The following KCNH1 variants were observed in gnomAD, a reference collection of about 807,000 sequenced individuals.
The protein encoded by KCNH1 is voltage-gated delayed rectifier potassium channel KCNH1.
KCNH1 carries 27 observed loss-of-function variants against 69.2 expected under a neutral mutation model. The observed-to-expected ratio is 0.39, with a 90% CI of 0.29 to 0.54. The LOEUF (loss-of-function observed/expected upper bound fraction) is 0.54. KCNH1 is among the 20% of genes least tolerant of loss of function. The probability of loss-of-function intolerance (pLI) is 0.68; values close to 1 mark genes in which losing one functional copy is unlikely to be tolerated. For missense variants in KCNH1, 798 were observed against 1,261.6 expected (o/e 0.63, Z 5.57); for synonymous variants, 456 against 487.7 (o/e 0.93, Z 0.86).
At chr1:211,103,454 C>A in intron 3 of KCNH1, 42 bp downstream of exon 3, 2 of 1,293,260 alleles carry the variant, frequency 1.5e-6, no homozygotes. Context: ...TTTACTATTT[C>A]AAACACATAA....
At chr1:210,713,529 C>T (rs1258535589) in intron 10 of KCNH1, among the ~76,000 whole-genome samples, 1 of 152,176 alleles carries the variant, frequency 6.6e-6, no homozygotes, top group Non-Finnish European at 1.5e-5. Flanking sequence ...TGATCTCTTT[C>T]CTTGCTCTCC....
At chr1:211,035,017 C>G (rs970708005) in intron 5 of KCNH1, among the ~76,000 whole-genome samples, 1 of 152,102 alleles carries the variant, frequency 6.6e-6, no homozygotes. Flanking sequence ...TAGGCCCTGC[C>G]TGAGTGAGGC....
chr1:211,060,548 GT>G (rs907095675), intron 5 of KCNH1, among the ~76,000 whole-genome samples: 23 of 151,022 alleles, frequency 1.5e-4, no homozygotes, highest in Middle Eastern at 6.8e-3. Flanking sequence ...ATAAAAGCTG[GT>G]TTTTTGAAAA....
chr1:210,750,636 T>C (rs1406467181), intron 10 of KCNH1, among the ~76,000 whole-genome samples: 1 of 152,104 alleles, frequency 6.6e-6, no homozygotes, highest in East Asian at 1.9e-4. Context: ...GGTGGTAGCT[T>C]TTTTGGCTGG....
At chr1:211,089,463 G>A (rs372134354) in intron 4 of KCNH1, among the ~76,000 whole-genome samples, 6 of 152,186 alleles carry the variant, frequency 3.9e-5, no homozygotes, top group Non-Finnish European at 8.8e-5. Context: ...AATAGGATGC[G>A]CTGGTATTAA....
chr1:211,113,974 T>TCTCTCACA (rs1491436535), intron 1 of KCNH1, among the ~76,000 whole-genome samples: 9 of 142,378 alleles, frequency 6.3e-5, no homozygotes, highest in Non-Finnish European at 1.2e-4. Flanking sequence ...TCTCTCTCTC[T>TCTCTCACA]CACACACACA....
Position 210,805,129 on chromosome 1 carries a change from C to G in KCNH1, c.1463-963G>C, listed in dbSNP as rs559247814. Among the ~76,000 whole-genome samples, 21 of 152,296 alleles carry G rather than the reference C, an allele frequency of 1.4e-4. 1 individual carries two copies. The highest frequency in any genetic ancestry group is 3.4e-3 in the Middle Eastern group (1 of 294). ...ATATTTCTATAGAACTCATATTACA[C>G]CATTTTGCAATCACGTGCTTCTTTC... On this transcript the variant is annotated intron_variant, in intron 7 of 10. Coordinates refer to ENST00000271751, the MANE Select transcript of KCNH1 (RefSeq NM_172362.3).
In KCNH1 at chr1:210,678,721, C is replaced by T. The variant is rs1681195353; in HGVS notation, c.*4560G>A. ...ACAGTCTCCAACTGATGCACAAATA[C>T]AGCATCGGAATATTAAGAGAATACA... On this transcript the variant is annotated 3_prime_UTR_variant, in exon 11 of 11. Transcript: ENST00000271751. 1 of 152,174 alleles carries T rather than the reference C, an allele frequency of 6.6e-6. No individual in the cohort carries two copies. The highest frequency in any genetic ancestry group is 1.5e-5 in the Non-Finnish European group (1 of 68,040). The allele number at this position is 152,174 out of a possible 1,614,324, so 9.4% of individuals were successfully genotyped here.
intron 5 of KCNH1, among the ~76,000 whole-genome samples, chr1:211,044,907 T>C (rs529377304): frequency 1.3e-5 from 2 of 151,852 alleles, no homozygotes; most frequent in East Asian, 1.9e-4. Flanking sequence ...ACTGGTTATC[T>C]ACCCAGAGGA....
At chr1:210,712,423 G>A (rs1558434776) in intron 10 of KCNH1, among the ~76,000 whole-genome samples, 1 of 152,178 alleles carries the variant, frequency 6.6e-6, no homozygotes. Flanking sequence ...GGGAGAGTGG[G>A]AATAGAGCCC....
chr1:210,939,476 A>G (rs573518347), intron 6 of KCNH1, among the ~76,000 whole-genome samples: 1 of 152,292 alleles, frequency 6.6e-6, no homozygotes, highest in South Asian at 2.1e-4. Flanking sequence ...TTCCAGACAG[A>G]AGGATCAGCA....
chr1:211,005,526 T>C (rs886119644), intron 6 of KCNH1, among the ~76,000 whole-genome samples: 2 of 152,078 alleles, frequency 1.3e-5, no homozygotes, highest in African/African-American at 2.4e-5. Flanking sequence ...CATTTTCAAA[T>C]AAATGATACT....
chr1:210,994,072 CATA>C (rs755076307), intron 6 of KCNH1, among the ~76,000 whole-genome samples: 5 of 152,066 alleles, frequency 3.3e-5, no homozygotes, highest in Admixed American at 1.3e-4. Flanking sequence ...AAAATTAAAG[CATA>C]ATGTTAACTA....
At chr1:210,924,667 G>C (rs1687531352) in intron 6 of KCNH1, among the ~76,000 whole-genome samples, 1 of 151,976 alleles carries the variant, frequency 6.6e-6, no homozygotes, top group Non-Finnish European at 1.5e-5. Flanking sequence ...TCATTCCTTG[G>C]CTGTCAGAGC....
intron 6 of KCNH1, among the ~76,000 whole-genome samples, chr1:210,937,718 G>C (rs1037154522): frequency 2.6e-5 from 4 of 152,072 alleles, no homozygotes; most frequent in East Asian, 1.9e-4. Context: ...ATGTTTTCCT[G>C]GTCTTTCCAA....
At chr1:210,801,277 C>T (rs1684420758) in intron 8 of KCNH1, among the ~76,000 whole-genome samples, 1 of 152,214 alleles carries the variant, frequency 6.6e-6, no homozygotes, top group Non-Finnish European at 1.5e-5. Flanking sequence ...CCAGCACTAC[C>T]ACCCACATGC....
intron 10 of KCNH1, among the ~76,000 whole-genome samples, chr1:210,754,589 T>C (rs920981233): frequency 2.6e-5 from 4 of 151,864 alleles, no homozygotes; most frequent in African/African-American, 9.7e-5. Flanking sequence ...TCTGCTTGAT[T>C]AAAAGTGTGT....
intron 6 of KCNH1, among the ~76,000 whole-genome samples, chr1:211,008,466 A>G (rs1319013857): frequency 1.3e-5 from 2 of 152,256 alleles, no homozygotes; most frequent in East Asian, 3.8e-4. Context: ...ATACAACTGA[A>G]ACAATTAATA....
chr1:211,088,202 T>A (rs1690990674), intron 4 of KCNH1, among the ~76,000 whole-genome samples: 1 of 152,198 alleles, frequency 6.6e-6, no homozygotes, highest in Non-Finnish European at 1.5e-5. Context: ...TTTCTGAGAT[T>A]TTAGATTATC....
Sources: allele counts gnomAD v4.1 joint callset (sites outside exome capture counted in the v4.1 genomes callset), GRCh38; gene constraint gnomAD v4.1.1; transcripts MANE v1.5; gene names NCBI Gene and HGNC (gene_info 2026-07-23, HGNC 2026-07-21).